CTNND2: variants seen among roughly 807,000 people sequenced by gnomAD.
CTNND2 encodes catenin delta-2.
A neutral mutation model predicts 144.4 loss-of-function variants in CTNND2; 22 were observed. The ratio of observed to expected loss-of-function variants is 0.15; its 90% CI spans 0.11 to 0.22. The LOEUF (loss-of-function observed/expected upper bound fraction) is 0.22. Ranked by LOEUF, CTNND2 falls within the 10% of genes least tolerant of loss-of-function variation. CTNND2 has a pLI of 1.00. For synonymous variants in CTNND2, 751 were observed against 695.6 expected, an observed-to-expected ratio of 1.08 and a Z score of -1.25; for missense variants, 1,353 against 1,618.8, an observed-to-expected ratio of 0.84 and a Z score of 2.82.
At chr5:11,227,466 C>T (rs1162234585) in intron 10 of CTNND2, among the ~76,000 whole-genome samples, 2 of 152,180 alleles carry the variant, frequency 1.3e-5, no homozygotes, top group African/African-American at 4.8e-5. Context: ...CAAAGAAATA[C>T]AGGCTCTTTT....
rs376150242 is a variant in CTNND2 at position 11,228,985 on chromosome 5, T to C, written c.1761+7706A>G. ...AAAAATAAAATCAATATTGATTTCCTAGAGCAAGAATTCTTACCTTGGGCC... is the reference window on the plus strand; with the variant it reads ...AAAAATAAAATCAATATTGATTTCCCAGAGCAAGAATTCTTACCTTGGGCC... On this transcript the variant is annotated intron_variant, in intron 10 of 21. Coordinates refer to ENST00000304623, the MANE Select transcript of CTNND2 (RefSeq NM_001332.4). Among the ~76,000 whole-genome samples, 7 of 152,348 alleles carry C rather than the reference T, an allele frequency of 4.6e-5. No individual in the cohort carries two copies. In the South Asian group the frequency reaches 1.5e-3, roughly 32 times the overall value.
At chr5:11,795,800 A>G (rs4701920) in intron 1 of CTNND2, among the ~76,000 whole-genome samples, 124,011 of 152,218 alleles carry the variant, frequency 0.81, 54,927 homozygotes, top group Non-Finnish European at 0.98. Context: ...TAAGGTTTCT[A>G]TTGTTGGTGG....
chr5:11,017,369 T>C (rs1453230200), intron 18 of CTNND2, among the ~76,000 whole-genome samples: 1 of 151,846 alleles, frequency 6.6e-6, no homozygotes, highest in African/African-American at 2.4e-5. Context: ...ATGCCGAGCA[T>C]CTTGGTGATC....
chr5:11,453,374 A>T (rs2149917092), intron 3 of CTNND2, among the ~76,000 whole-genome samples: 1 of 152,346 alleles, frequency 6.6e-6, no homozygotes, highest in East Asian at 1.9e-4. Flanking sequence ...TTGGCAAAAC[A>T]CATCAGCTCT....
intron 2 of CTNND2, among the ~76,000 whole-genome samples, chr5:11,614,983 C>G (rs1581610639): frequency 6.9e-6 from 1 of 144,822 alleles, no homozygotes. Context: ...TTTTGTCTCA[C>G]CATTTAAACA....
intron 19 of CTNND2, among the ~76,000 whole-genome samples, chr5:10,990,273 TGG>T (rs1259611399): frequency 2.0e-5 from 3 of 152,144 alleles, no homozygotes; most frequent in Non-Finnish European, 4.4e-5. Context: ...AATGTGAATC[TGG>T]GGAGATGTGA....
intron 9 of CTNND2, among the ~76,000 whole-genome samples, chr5:11,271,726 A>G (rs759238787): frequency 1.5e-4 from 23 of 152,180 alleles, no homozygotes; most frequent in Non-Finnish European, 2.8e-4. Flanking sequence ...ATCATCTGCA[A>G]ATTTGGCTCC....
rs531925060 is a variant in CTNND2, at chr5:11,537,155, A to C, written c.287+27789T>G. On this transcript the variant is annotated intron_variant, in intron 3 of 21. Transcript: ENST00000304623. Reference sequence around the variant, plus strand: ...GGGATACAAGCAGAAGATACTATTGACTCTTTTTATAGATACGAATTCCTA... The same window carrying C: ...GGGATACAAGCAGAAGATACTATTGCCTCTTTTTATAGATACGAATTCCTA... Among the ~76,000 whole-genome samples, 3 of 151,878 alleles carry C rather than the reference A, an allele frequency of 2.0e-5. No homozygotes were observed. In the East Asian group the frequency reaches 5.9e-4, roughly 30 times the overall value.
chr5:11,047,716 G>C (rs16901217), intron 16 of CTNND2, among the ~76,000 whole-genome samples: 1 of 152,118 alleles, frequency 6.6e-6, no homozygotes, highest in African/African-American at 2.4e-5. Context: ...AAGACTGTGA[G>C]TGCCATTTTT....
intron 9 of CTNND2, among the ~76,000 whole-genome samples, chr5:11,244,125 T>A (rs1372578377): frequency 6.6e-6 from 1 of 152,098 alleles, no homozygotes; most frequent in Non-Finnish European, 1.5e-5. Context: ...GTGATGGTCA[T>A]AAGTTAGATA....
intron 3 of CTNND2, among the ~76,000 whole-genome samples, chr5:11,425,259 C>T (rs1762685640): frequency 6.6e-6 from 1 of 152,192 alleles, no homozygotes; most frequent in African/African-American, 2.4e-5. Context: ...AGTTAGGCTG[C>T]CACCTGGTAG....
chr5:11,199,167 T>C (rs1181686499), intron 11 of CTNND2, among the ~76,000 whole-genome samples: 1 of 152,206 alleles, frequency 6.6e-6, no homozygotes, highest in East Asian at 1.9e-4. Context: ...GAGCCCTGGG[T>C]ATTGTACGAT....
chr5:11,021,948 G>T (rs571907870), intron 17 of CTNND2, among the ~76,000 whole-genome samples: 6 of 152,120 alleles, frequency 3.9e-5, no homozygotes, highest in Admixed American at 3.9e-4. Context: ...GTTAGTGAAG[G>T]TTTCTGTAAA....
chr5:11,434,881 T>C (rs2149880825), intron 3 of CTNND2, among the ~76,000 whole-genome samples: 1 of 152,230 alleles, frequency 6.6e-6, no homozygotes, highest in East Asian at 1.9e-4. Flanking sequence ...ATTCTCCAAG[T>C]AAATAGATTA....
At chr5:11,229,645 C>CGTGT (rs34293828) in intron 10 of CTNND2, among the ~76,000 whole-genome samples, 64 of 143,488 alleles carry the variant, frequency 4.5e-4, no homozygotes, top group African/African-American at 1.4e-3. Context: ...AGCCATATTG[C>CGTGT]GTGTGTGTGT....
intron 1 of CTNND2, among the ~76,000 whole-genome samples, chr5:11,742,894 T>C (rs1325446360): frequency 6.6e-6 from 1 of 152,216 alleles, no homozygotes; most frequent in Non-Finnish European, 1.5e-5. Flanking sequence ...GAGCACCTCA[T>C]TTGTGTAATC....
chr5:11,075,179 G>A (rs1328309657), intron 16 of CTNND2, among the ~76,000 whole-genome samples: 1 of 152,176 alleles, frequency 6.6e-6, no homozygotes, highest in African/African-American at 2.4e-5. Context: ...TTGGTTGGTG[G>A]ATGCCTGTGT....
chr5:11,872,879 C>T (rs964426400), intron 1 of CTNND2, among the ~76,000 whole-genome samples: 8 of 152,126 alleles, frequency 5.3e-5, no homozygotes, highest in Non-Finnish European at 1.0e-4. Context: ...AACATAAATA[C>T]TAAAACCATA....
At chr5:11,260,932 A>T (rs1744793492) in intron 9 of CTNND2, among the ~76,000 whole-genome samples, 1 of 152,148 alleles carries the variant, frequency 6.6e-6, no homozygotes, top group Non-Finnish European at 1.5e-5. Flanking sequence ...TAATTCTGAC[A>T]TATCCGTAAT....
Sources: allele counts gnomAD v4.1 joint callset (sites outside exome capture counted in the v4.1 genomes callset), GRCh38; gene constraint gnomAD v4.1.1; transcripts MANE v1.5; gene names NCBI Gene and HGNC (gene_info 2026-07-23, HGNC 2026-07-21).